The following TM2D3 variants were observed in gnomAD, a reference collection of about 807,000 sequenced individuals.
TM2D3 encodes the protein TM2 domain containing 3.
A neutral mutation model predicts 27.3 loss-of-function variants in TM2D3; 33 were observed. The observed-to-expected ratio is 1.21, with a 90% confidence interval of 0.92 to 1.61. The LOEUF is 1.61. TM2D3 is among the 40% of genes most tolerant of loss of function. The pLI, the probability that TM2D3 is intolerant of heterozygous loss-of-function variation, is 0.00. For missense variants in TM2D3, 364 were observed against 320.8 expected (o/e 1.13, Z -1.03); for synonymous variants, 138 against 122.2 (o/e 1.13, Z -0.85).
intron 5 of TM2D3, among the ~76,000 whole-genome samples, chr15:101,643,684 AG>A (rs1341420107): frequency 1.3e-5 from 2 of 151,304 alleles, no homozygotes; most frequent in African/African-American, 4.9e-5. Context: ...AGTATGTTAC[AG>A]TATAGTACTG....
chr15:101,648,919 G>A (rs1353807931), intron 3 of TM2D3, among the ~76,000 whole-genome samples: 1 of 152,132 alleles, frequency 6.6e-6, no homozygotes, highest in Non-Finnish European at 1.5e-5. Context: ...CAACGATTGT[G>A]TGCATGTGTA....
In TM2D3 at chr15:101,645,077, C is replaced by G. The variant is rs1280647511; in HGVS notation, c.578+10G>C. 2 of 1,610,734 alleles carry G rather than the reference C, an allele frequency of 1.2e-6. No individual in the cohort carries two copies. The highest frequency in any genetic ancestry group is 2.7e-5 in the African/African-American group (2 of 74,572). On this transcript the variant is annotated intron_variant, in intron 5 of 5. Transcript: ENST00000333202. ...AACGGCCTTTTACACTTACGAGTAA[C>G]AAGGCTTACCTTAGAGCCAGAGCCG...
intron 4 of TM2D3, 66 bp downstream of exon 4, chr15:101,646,659 T>A (rs1380596534): frequency 1.3e-6 from 2 of 1,591,780 alleles, no homozygotes; most frequent in African/African-American, 2.7e-5. Context: ...AATTTCTGGT[T>A]AAAGTCCCTT....
chr15:101,643,863 T>C (rs1012518953), intron 5 of TM2D3, among the ~76,000 whole-genome samples: 1 of 151,994 alleles, frequency 6.6e-6, no homozygotes. Context: ...CTAATCTTTT[T>C]TTTTGAGACA....
chr15:101,639,417 T>C (rs887136262), downstream of TM2D3, among the ~76,000 whole-genome samples: 3 of 151,958 alleles, frequency 2.0e-5, no homozygotes, highest in East Asian at 1.9e-4. Context: ...TCTACTTATG[T>C]AGTGCCTTCA....
chr15:101,650,157 A>G lies in TM2D3; in HGVS notation c.174T>C (p.Ser58=). The change falls in exon 3 of 6, where the codon AGT becomes AGC. Residue 58 remains serine (S), a synonymous_variant. Coordinates refer to ENST00000333202, the MANE Select transcript of TM2D3 (RefSeq NM_078474.3). ...TCATCACATAAGGTGGGATTTCAGT[A>G]CTTTCTGTGAGAGGCAAGAGAGAAG... ...TFTVVPRAAE[S]TEIPPYVMKC... is the part of the protein sequence containing the mutation. 5 of 1,612,416 alleles carry G rather than the reference A, an allele frequency of 3.1e-6. No homozygotes were observed. The South Asian group carries it at 5.5e-5, about 18-fold the overall frequency.
At chr15:101,646,446 TTTCA>T in intron 4 of TM2D3, 1 of 211,330 alleles carries the variant, frequency 4.7e-6, no homozygotes, top group Non-Finnish European at 1.0e-5. Context: ...TTGGTGCTGC[TTTCA>T]TTGTTATTTT....
rs1364711177 is a variant in TM2D3, at chr15:101,651,786, A to G, written c.92-13T>C. 1 of 1,613,774 alleles carries G rather than the reference A, an allele frequency of 6.2e-7. No individual in the cohort carries two copies. Among genetic ancestry groups the G allele is most frequent in the South Asian group, 1.1e-5 (1 of 91,072 alleles). On this transcript the variant is annotated splice_polypyrimidine_tract_variant and intron_variant, in intron 1 of 5. Coordinates refer to ENST00000333202, the MANE Select transcript of TM2D3 (RefSeq NM_078474.3). ...GCCTGCGATTGCTCTAAATTTAAGGATCGTACAATTAGAGAAACACGTTAT... is the reference window on the plus strand; with the variant it reads ...GCCTGCGATTGCTCTAAATTTAAGGGTCGTACAATTAGAGAAACACGTTAT...
At chr15:101,648,723 C>A (rs1270432193) in intron 3 of TM2D3, among the ~76,000 whole-genome samples, 2 of 152,186 alleles carry the variant, frequency 1.3e-5, no homozygotes, top group African/African-American at 4.8e-5. Context: ...CTGCCTAGTT[C>A]TTTTTAATGG....
intron 5 of TM2D3, among the ~76,000 whole-genome samples, chr15:101,644,703 A>T (rs1361501560): frequency 6.6e-6 from 1 of 152,196 alleles, no homozygotes; most frequent in Non-Finnish European, 1.5e-5. Context: ...AATTATAGGT[A>T]ATTTTTAATG....
chr15:101,639,175 C>T (rs1212518683), downstream of TM2D3, among the ~76,000 whole-genome samples: 1 of 152,182 alleles, frequency 6.6e-6, no homozygotes, highest in Non-Finnish European at 1.5e-5. Context: ...AGCATCACTA[C>T]AGTTATCATA....
Position 101,645,079 on chromosome 15 carries a change from A to G in TM2D3, c.578+8T>C. ...CGGCCTTTTACACTTACGAGTAACA[A>G]GGCTTACCTTAGAGCCAGAGCCGTA... On this transcript the variant is annotated splice_region_variant and intron_variant, in intron 5 of 5. Transcript: ENST00000333202. 6.2e-7 allele frequency: 1 copy of G among 1,612,502 alleles called. No homozygotes were observed. Among genetic ancestry groups the G allele is most frequent in the Middle Eastern group, 1.7e-4 (1 of 6,060 alleles).
At chr15:101,647,936 C>T (rs557654925) in intron 3 of TM2D3, among the ~76,000 whole-genome samples, 12 of 152,012 alleles carry the variant, frequency 7.9e-5, no homozygotes, top group Admixed American at 2.0e-4. Context: ...CTCGCTCTGT[C>T]GCCCAGGCTG....
chr15:101,633,225 G>A (rs947187310), exon 5 of TM2D3: 1 of 153,996 alleles, frequency 6.5e-6, no homozygotes, highest in African/African-American at 2.4e-5. Flanking sequence ...AATGTGGAAC[G>A]TTTGGAATGA....
chr15:101,649,824 A>T (rs995251580), intron 3 of TM2D3, among the ~76,000 whole-genome samples, 180 bp downstream of exon 3: 1 of 152,260 alleles, frequency 6.6e-6, no homozygotes, highest in African/African-American at 2.4e-5. Context: ...AACAGTAGTG[A>T]GCTGATATGG....
rs775295007 is a variant in TM2D3 at position 101,646,880 on chromosome 15, T to G, written c.347A>C (p.Gln116Pro). 1.9e-6 allele frequency: 3 copies of G among 1,614,212 alleles called. No homozygotes were observed. The South Asian group carries it at 3.3e-5, about 18-fold the overall frequency. Residue 116 changes from glutamine (Q) to proline (P), a missense_variant, in exon 4 of 6, where the codon CAA becomes CCA. Physicochemically the swap from Gln to Pro is moderately conservative, Grantham distance 76 (BLOSUM62 -1). Coordinates refer to ENST00000333202, the MANE Select transcript of TM2D3 (RefSeq NM_078474.3). ...AGTCATGTTAATGATGAAGTTCTTT[T>G]GGGATTTGAAGTCTTGATCCTATGT... ...VTCVDQDFKS[Q>P]KNFIINMTCR...
chr15:101,633,905 T>C, intron 4 of TM2D3: 1 of 468,938 alleles, frequency 2.1e-6, no homozygotes, highest in Admixed American at 3.8e-5. Flanking sequence ...ACATTGGGAT[T>C]ACCTGACAAG....
At chr15:101,635,953 A>T (rs1450824802) in intron 4 of TM2D3, 1 of 151,620 alleles carries the variant, frequency 6.6e-6, no homozygotes, top group Non-Finnish European at 1.5e-5. Context: ...ATGTGTGGTT[A>T]CTGAGCCGTT....
Position 101,651,785 on chromosome 15 carries a change from G to C in TM2D3, c.92-12C>G, listed in dbSNP as rs1896979475. The C allele has an allele frequency of 6.2e-7, 1 of 1,613,820 alleles. No individual in the cohort carries two copies. Among genetic ancestry groups the C allele is most frequent in the Non-Finnish European group, 8.5e-7 (1 of 1,179,794 alleles). On this transcript the variant is annotated splice_polypyrimidine_tract_variant and intron_variant, in intron 1 of 5. Coordinates refer to ENST00000333202, the MANE Select transcript of TM2D3 (RefSeq NM_078474.3). ...CGCCTGCGATTGCTCTAAATTTAAGGATCGTACAATTAGAGAAACACGTTA... is the reference window on the plus strand; with the variant it reads ...CGCCTGCGATTGCTCTAAATTTAAGCATCGTACAATTAGAGAAACACGTTA...
Sources: gnomAD v4.1 joint callset for allele counts (sites outside exome capture counted in the v4.1 genomes callset) on GRCh38, gnomAD v4.1.1 for gene constraint, MANE v1.5 for transcripts, NCBI Gene and HGNC (gene_info 2026-07-23, HGNC 2026-07-21) for gene names.